Variants in XPO7 observed in about 807,000 individuals in gnomAD.
XPO7 encodes exportin 7, also known as exportin-7.
XPO7 carries 21 observed loss-of-function variants against 144.3 expected under a neutral mutation model. That is an observed-to-expected ratio of 0.15 (90% CI 0.10 to 0.21). The LOEUF is 0.21. XPO7 is among the 10% of genes least tolerant of loss of function. The pLI is 1.00. For missense variants in XPO7, 808 were observed against 1,325.8 expected, an observed-to-expected ratio of 0.61 and a Z score of 6.06; for synonymous variants, 580 against 499.6, an observed-to-expected ratio of 1.16 and a Z score of -2.15.
Position 21,999,467 on chromosome 8 carries a change from A to C in XPO7, c.2644-69A>C. The C allele has an allele frequency of 3.1e-6, 5 of 1,599,202 alleles. 1 individual carries two copies. The South Asian group carries it at 3.3e-5, about 11-fold the overall frequency. ...CCACCTAAAAGGAGCTAAGCTATTT[A>C]AGATCGTCTCCCTGCATGCTGGAGT... On this transcript the variant is annotated intron_variant, in intron 23 of 27. Coordinates refer to ENST00000252512, the MANE Select transcript of XPO7 (RefSeq NM_015024.5).
rs1435212940 is a variant in XPO7, at chr8:21,970,323, T to C, written c.426+13T>C. 1.1e-5 allele frequency: 17 copies of C among 1,607,910 alleles called. No individual in the cohort carries two copies. Among genetic ancestry groups the C allele is most frequent in the Non-Finnish European group, 1.4e-5 (16 of 1,177,202 alleles). ...AAGGTTTTTACAGGTACAGTGTATA[T>C]ATTTGATGTAATGGGAATGGGAGAA... On this transcript the variant is annotated intron_variant, in intron 4 of 27. Coordinates refer to ENST00000252512, the MANE Select transcript of XPO7 (RefSeq NM_015024.5).
At chr8:21,965,521 C>A (rs1811854455) in intron 1 of XPO7, among the ~76,000 whole-genome samples, 2 of 152,168 alleles carry the variant, frequency 1.3e-5, no homozygotes. Context: ...TAAGCCTAAT[C>A]AAAGTCCCAA....
intron 20 of XPO7, 93 bp downstream of exon 20, chr8:21,994,544 G>A (rs1812877237): frequency 8.5e-7 from 1 of 1,178,158 alleles, no homozygotes; most frequent in Non-Finnish European, 1.2e-6. Context: ...GGGGAAGGGA[G>A]GGTAGTGAGG....
At chr8:21,999,399 A>G (rs929552183) in intron 23 of XPO7, 94 bp downstream of exon 23, 145 of 1,577,082 alleles carry the variant, frequency 9.2e-5, no homozygotes, top group Middle Eastern at 2.1e-4. Flanking sequence ...TTGAGAAACT[A>G]TGTAAGCTAG....
At chr8:21,985,849 T>C (rs1226208379) in intron 13 of XPO7, among the ~76,000 whole-genome samples, 158 bp downstream of exon 13, 1 of 152,214 alleles carries the variant, frequency 6.6e-6, no homozygotes, top group African/African-American at 2.4e-5. Context: ...ACTCTGCCTA[T>C]GATCTTTACT....
chr8:21,999,285 A>C lies in XPO7; in HGVS notation c.2623A>C (p.Ile875Leu), dbSNP rs750376035. Residue 875 changes from isoleucine (I) to leucine (L), a missense_variant, in exon 23 of 28, where the codon ATT becomes CTT. Physicochemically the swap from Ile to Leu is conservative, Grantham distance 5. Around this residue, in one of 5 missense-constraint regions of XPO7, gnomAD observed 416 missense variants for 612.5 expected, o/e 0.68. Transcript: ENST00000252512. ...LQTFIKLLLS[I>L]PHSDLLDYPK... ...GACCTTCATCAAGCTGCTCCTCTCTATTCCTCACAGTGATCTCTTGGTAAG... is the reference window on the plus strand; with the variant it reads ...GACCTTCATCAAGCTGCTCCTCTCTCTTCCTCACAGTGATCTCTTGGTAAG... 5.0e-6 allele frequency: 8 copies of C among 1,612,778 alleles called. No homozygotes were observed. The South Asian group carries it at 7.7e-5, about 16-fold the overall frequency.
At chr8:21,947,603 C>CA (rs1310852929) in intron 1 of XPO7, among the ~76,000 whole-genome samples, 1 of 152,012 alleles carries the variant, frequency 6.6e-6, no homozygotes. Context: ...GCGAAAGAAA[C>CA]AGAGCTCTTA....
chr8:21,967,655 A>G (rs1231686524), intron 2 of XPO7, among the ~76,000 whole-genome samples: 2 of 151,940 alleles, frequency 1.3e-5, no homozygotes, highest in Admixed American at 1.3e-4. Flanking sequence ...TTTTAATCCA[A>G]AGTCCTAGTA....
chr8:21,929,482 T>C (rs371923400), intron 1 of XPO7, among the ~76,000 whole-genome samples: 6 of 152,236 alleles, frequency 3.9e-5, no homozygotes, highest in Middle Eastern at 3.2e-3. Context: ...TGTTAACTTA[T>C]CATCTGCCAA....
rs540971260 is a variant in XPO7 at position 21,937,749 on chromosome 8, G to GT, written c.18+17962dup. On this transcript the variant is annotated intron_variant, in intron 1 of 27. Transcript: ENST00000252512. ...CAAGGAAATCAGTACCCGATTCTTGGTATCTTTGTTCCTCTTTTATAAAAG... is the reference window on the plus strand; with the variant it reads ...CAAGGAAATCAGTACCCGATTCTTGGTTATCTTTGTTCCTCTTTTATAAAAG... Among the ~76,000 whole-genome samples the GT allele has an allele frequency of 1.6e-4, 24 of 152,226 alleles. No homozygotes were observed. In the South Asian group the frequency reaches 4.8e-3, roughly 30 times the overall value.
chr8:21,996,150 A>G (rs930254589), intron 21 of XPO7, among the ~76,000 whole-genome samples: 2 of 152,064 alleles, frequency 1.3e-5, no homozygotes, highest in Non-Finnish European at 2.9e-5. Flanking sequence ...CCAGTGGGGC[A>G]TGGTGGCTCA....
At chr8:21,970,854 A>G (rs1343768019) in intron 4 of XPO7, among the ~76,000 whole-genome samples, 1 of 152,166 alleles carries the variant, frequency 6.6e-6, no homozygotes, top group Non-Finnish European at 1.5e-5. Context: ...GTTGTAGCAC[A>G]ATTTATTTTT....
chr8:21,923,580 T>C (rs918045920), intron 1 of XPO7, among the ~76,000 whole-genome samples: 12 of 152,226 alleles, frequency 7.9e-5, no homozygotes, highest in African/African-American at 1.4e-4. Flanking sequence ...AATTAAGGGA[T>C]GTATATATAC....
At chr8:22,004,132 GC>G in intron 27 of XPO7, 102 bp downstream of exon 27, 1 of 1,471,020 alleles carries the variant, frequency 6.8e-7, no homozygotes, top group South Asian at 1.3e-5. Flanking sequence ...GTGTTTGGAG[GC>G]CATCTAAAGC....
intron 1 of XPO7, among the ~76,000 whole-genome samples, chr8:21,924,820 A>G (rs1271300098): frequency 1.3e-5 from 2 of 152,220 alleles, no homozygotes; most frequent in African/African-American, 4.8e-5. Flanking sequence ...GACCACGATA[A>G]ATGTTCCTGG....
At chr8:21,922,950 G>A (rs1810337095) in intron 1 of XPO7, among the ~76,000 whole-genome samples, 1 of 152,130 alleles carries the variant, frequency 6.6e-6, no homozygotes, top group African/African-American at 2.4e-5. Flanking sequence ...TAACTCCAGG[G>A]AGTTGTGAAG....
intron 1 of XPO7, among the ~76,000 whole-genome samples, chr8:21,933,939 T>C (rs1810737417): frequency 6.6e-6 from 1 of 152,334 alleles, no homozygotes; most frequent in South Asian, 2.1e-4. Context: ...ATTTTAACTT[T>C]TCCAGCCATT....
intron 13 of XPO7, 150 bp from the exon 14 acceptor site, chr8:21,986,991 C>T (rs977583198): frequency 3.5e-5 from 39 of 1,121,660 alleles, no homozygotes; most frequent in Admixed American, 2.0e-4. Context: ...CTGGTCTAGT[C>T]CTGCCTCCCT....
Position 21,944,984 on chromosome 8 carries a change from A to G in XPO7, c.19-21873A>G, listed in dbSNP as rs899881461. Among the ~76,000 whole-genome samples, 11 of 152,362 alleles carry G rather than the reference A, an allele frequency of 7.2e-5. No individual in the cohort carries two copies. The South Asian group carries it at 1.9e-3, about 26-fold the overall frequency. ...ATAATTTTTCTTAGTACAGAACAAAATGGAGTCTCCTATGTCTACTTCTTT... is the reference window on the plus strand; with the variant it reads ...ATAATTTTTCTTAGTACAGAACAAAGTGGAGTCTCCTATGTCTACTTCTTT... On this transcript the variant is annotated intron_variant, in intron 1 of 27. Transcript: ENST00000252512.
Sources: allele counts gnomAD v4.1 joint callset (sites outside exome capture counted in the v4.1 genomes callset), GRCh38; gene constraint gnomAD v4.1.1; regional missense constraint gnomAD v4.1.1; transcripts MANE v1.5; gene names NCBI Gene and HGNC (gene_info 2026-07-23, HGNC 2026-07-21).